MBD5: variants seen among roughly 807,000 people sequenced by gnomAD.
MBD5 encodes the protein methyl-CpG binding domain protein 5.
MBD5 carries 13 observed loss-of-function variants against 117.3 expected under a neutral mutation model. The ratio of observed to expected loss-of-function variants is 0.11; its 90% CI spans 0.07 to 0.18. The LOEUF is 0.18. MBD5 is among the 10% of genes least tolerant of loss of function. The pLI, the probability that MBD5 is intolerant of heterozygous loss-of-function variation, is 1.00. For synonymous variants in MBD5, 727 were observed against 766.4 expected (o/e 0.95, Z 0.85); for missense variants, 1,879 against 2,093.8 (o/e 0.90, Z 2.00).
At chr2:148,473,734 A>G (rs1680869348) in intron 8 of MBD5, among the ~76,000 whole-genome samples, 1 of 152,164 alleles carries the variant, frequency 6.6e-6, no homozygotes. Context: ...TTGAAGGCAA[A>G]GATAGTAGCA....
intron 3 of MBD5, among the ~76,000 whole-genome samples, chr2:148,334,413 A>G (rs1228143248): frequency 3.3e-5 from 5 of 152,004 alleles, no homozygotes; most frequent in African/African-American, 9.7e-5. Context: ...GCTCATTACA[A>G]CCTGGAACTC....
At chr2:148,198,653 ATATT>A (rs1274704248) in intron 2 of MBD5, among the ~76,000 whole-genome samples, 2 of 152,066 alleles carry the variant, frequency 1.3e-5, no homozygotes, top group Admixed American at 6.5e-5. Context: ...AAAGTTATAA[ATATT>A]TATAATGAAA....
chr2:148,092,697 A>G (rs1486545385), intron 1 of MBD5, among the ~76,000 whole-genome samples: 3 of 152,096 alleles, frequency 2.0e-5, no homozygotes. Context: ...TAAAGACTAC[A>G]CATTGGGTAC....
chr2:148,373,888 T>G (rs767489664), intron 4 of MBD5, among the ~76,000 whole-genome samples: 9 of 152,138 alleles, frequency 5.9e-5, no homozygotes, highest in Non-Finnish European at 1.0e-4. Context: ...CAGGCTTACC[T>G]TATATCAGTA....
intron 2 of MBD5, among the ~76,000 whole-genome samples, chr2:148,213,354 C>T (rs1161301967): frequency 6.6e-6 from 1 of 151,902 alleles, no homozygotes; most frequent in African/African-American, 2.4e-5. Flanking sequence ...TAAATATAAG[C>T]TAATATGCAT....
At chr2:148,046,754 ACTTTTCT>A (rs1694546441) in intron 1 of MBD5, among the ~76,000 whole-genome samples, 1 of 152,088 alleles carries the variant, frequency 6.6e-6, no homozygotes, top group African/African-American at 2.4e-5. Context: ...TCTGCCTCTG[ACTTTTCT>A]GTACTCTGGG....
intron 1 of MBD5, among the ~76,000 whole-genome samples, chr2:148,127,667 A>G (rs1050808748): frequency 6.6e-6 from 1 of 152,116 alleles, no homozygotes; most frequent in African/African-American, 2.4e-5. Context: ...TGTCTTTGCT[A>G]TTGTGGATAG....
intron 1 of MBD5, among the ~76,000 whole-genome samples, chr2:148,072,979 A>T (rs1695403166): frequency 6.6e-6 from 1 of 152,116 alleles, no homozygotes; most frequent in African/African-American, 2.4e-5. Context: ...ATGATATAGG[A>T]GATGAAGTGA....
intron 4 of MBD5, chr2:148,393,491 G>A (rs1286000820): frequency 6.6e-6 from 1 of 152,038 alleles, no homozygotes. Flanking sequence ...ATCTTCACAG[G>A]TTAGCAGGGA....
intron 4 of MBD5, among the ~76,000 whole-genome samples, chr2:148,446,602 C>CTGTGTGTGTGTGTGTGTGTGTG (rs1185100489): frequency 6.7e-6 from 1 of 148,784 alleles, no homozygotes; most frequent in Non-Finnish European, 1.5e-5. Context: ...GATTATTTAT[C>CTGTGTGTGTGTGTGTGTGTGTG]TGTGTGTGTG....
At chr2:148,258,888 C>T (rs1186745424) in intron 3 of MBD5, among the ~76,000 whole-genome samples, 1 of 152,158 alleles carries the variant, frequency 6.6e-6, no homozygotes, top group East Asian at 1.9e-4. Context: ...TGCCAGTGGC[C>T]TTCTGCTTCC....
chr2:148,176,876 C>CAA (rs145136050), intron 1 of MBD5, among the ~76,000 whole-genome samples: 9 of 119,306 alleles, frequency 7.5e-5, no homozygotes, highest in African/African-American at 2.0e-4. Flanking sequence ...AACTTAAGGA[C>CAA]AAAAAAAAAA....
At chr2:148,034,991 A>G (rs1694150556) in intron 1 of MBD5, among the ~76,000 whole-genome samples, 1 of 152,178 alleles carries the variant, frequency 6.6e-6, no homozygotes, top group Non-Finnish European at 1.5e-5. Flanking sequence ...ACGAGCTGTT[A>G]AAGTTCTGAA....
chr2:148,355,990 C>G (rs1174291776), intron 4 of MBD5, among the ~76,000 whole-genome samples: 1 of 152,080 alleles, frequency 6.6e-6, no homozygotes, highest in Non-Finnish European at 1.5e-5. Flanking sequence ...TCCTCTCTCA[C>G]TCTCTTGAGC....
rs755460512 is a variant in MBD5, at chr2:148,512,953, C to T, written c.*12C>T. On this transcript the variant is annotated 3_prime_UTR_variant, in exon 14 of 14. Coordinates refer to ENST00000642680, the MANE Select transcript of MBD5 (RefSeq NM_001378120.1). ...AGATCTCCAGATAACAGAGACTACT[C>T]CACTAATGCGCAGTGTTTATTAAAG... 3.1e-6 allele frequency: 5 copies of T among 1,609,310 alleles called. No homozygotes were observed. Among genetic ancestry groups the T allele is most frequent in the Non-Finnish European group, 4.3e-6 (5 of 1,175,752 alleles).
At chr2:148,028,132 TC>T in intron 1 of MBD5, 1 of 152,228 alleles carries the variant, frequency 6.6e-6, no homozygotes, top group Non-Finnish European at 1.5e-5. Flanking sequence ...TTGATTTGTA[TC>T]CTTATTTCAG....
At chr2:148,220,594 T>C (rs1234839798) in intron 2 of MBD5, among the ~76,000 whole-genome samples, 1 of 152,116 alleles carries the variant, frequency 6.6e-6, no homozygotes, top group Non-Finnish European at 1.5e-5. Context: ...ATGAGACTAG[T>C]CATAGTCTTA....
chr2:148,081,860 A>C (rs1192415084), intron 1 of MBD5, among the ~76,000 whole-genome samples: 1 of 152,188 alleles, frequency 6.6e-6, no homozygotes, highest in Non-Finnish European at 1.5e-5. Flanking sequence ...GGTATCTTAG[A>C]ATACAGAATC....
At chr2:148,323,304 A>C (rs1352239233) in intron 3 of MBD5, among the ~76,000 whole-genome samples, 5 of 152,152 alleles carry the variant, frequency 3.3e-5, no homozygotes, top group Admixed American at 2.6e-4. Context: ...TGCAATAAAC[A>C]TATGTGTGCA....
Sources: gnomAD v4.1 joint callset for allele counts (sites outside exome capture counted in the v4.1 genomes callset) on GRCh38, gnomAD v4.1.1 for gene constraint, MANE v1.5 for transcripts, NCBI Gene and HGNC (gene_info 2026-07-23, HGNC 2026-07-21) for gene names.